Variants in ADAMTS2 observed in about 807,000 individuals in gnomAD.
ADAMTS2 encodes A disintegrin and metalloproteinase with thrombospondin motifs 2.
A neutral mutation model predicts 123.0 loss-of-function variants in ADAMTS2; 50 were observed. The ratio of observed to expected loss-of-function variants is 0.41; its 90% CI spans 0.32 to 0.51. ADAMTS2 has a LOEUF of 0.51. ADAMTS2 is among the 20% of genes least tolerant of loss of function. ADAMTS2 has a pLI of 0.35. For synonymous variants in ADAMTS2, 678 were observed against 695.4 expected, an observed-to-expected ratio of 0.98 and a Z score of 0.39; for missense variants, 1,494 against 1,705.2, an observed-to-expected ratio of 0.88 and a Z score of 2.18.
chr5:179,160,376 G>A (rs1013270981), intron 5 of ADAMTS2, among the ~76,000 whole-genome samples: 8 of 152,196 alleles, frequency 5.3e-5, no homozygotes, highest in Non-Finnish European at 1.0e-4. Flanking sequence ...GCTTGAACCC[G>A]GGAGGTGGAG....
chr5:179,226,239 C>T (rs188113690), intron 3 of ADAMTS2, among the ~76,000 whole-genome samples: 13,129 of 139,234 alleles, frequency 0.094, 829 homozygotes, highest in Admixed American at 0.22. Context: ...TTCCTTCCTT[C>T]CTTTCTTTCT....
intron 3 of ADAMTS2, among the ~76,000 whole-genome samples, chr5:179,257,108 C>T (rs1004127985): frequency 1.3e-5 from 2 of 152,194 alleles, no homozygotes; most frequent in African/African-American, 4.8e-5. Context: ...CAAGGGCCCA[C>T]ATTGTGAGTT....
At chr5:179,270,479 G>C (rs1766499529) in intron 3 of ADAMTS2, among the ~76,000 whole-genome samples, 2 of 152,070 alleles carry the variant, frequency 1.3e-5, no homozygotes, top group African/African-American at 4.8e-5. Flanking sequence ...GATATATCAG[G>C]GTTCCCTCAG....
intron 19 of ADAMTS2, among the ~76,000 whole-genome samples, chr5:179,123,468 C>G (rs1762796550): frequency 6.6e-6 from 1 of 152,218 alleles, no homozygotes; most frequent in South Asian, 2.1e-4. Context: ...CTGTGTGGCC[C>G]AGGCTGGAGT....
In ADAMTS2 at chr5:179,130,710, G is replaced by A. The variant is rs1350338193; in HGVS notation, c.2291-612C>T. ...AGCCCCATGCTCTCTGCAGTGTGGG[G>A]GGTGGCTGCTGCGGGGCAGCTGGGT... On this transcript the variant is annotated intron_variant, in intron 15 of 21. Transcript: ENST00000251582. This position sits in a 1 kb window ranked among gnomAD's most constrained non-coding sequence, Gnocchi z 4.3. Among the ~76,000 whole-genome samples, 1 of 152,208 alleles carries A rather than the reference G, an allele frequency of 6.6e-6. No individual in the cohort carries two copies. Among genetic ancestry groups the A allele is most frequent in the Non-Finnish European group, 1.5e-5 (1 of 68,034 alleles).
chr5:179,264,805 A>G (rs533617263), intron 3 of ADAMTS2, among the ~76,000 whole-genome samples: 1 of 151,556 alleles, frequency 6.6e-6, no homozygotes, highest in Non-Finnish European at 1.5e-5. Context: ...CTCAGCACCC[A>G]GGTTCTGAGA....
At position 179,225,758 on chromosome 5, in the gene ADAMTS2, C is replaced by T. The variant is rs1050111080; in HGVS notation, c.689-18043G>A. Among the ~76,000 whole-genome samples the T allele has an allele frequency of 6.6e-6, 1 of 152,174 alleles. No homozygotes were observed. Among genetic ancestry groups the T allele is most frequent in the African/African-American group, 2.4e-5 (1 of 41,452 alleles). ...TTGCACCCCATCCTCCTTCTGGCTTCCCCCATCTGCTGAGAGCTACTTCCA... is the reference window on the plus strand; with the variant it reads ...TTGCACCCCATCCTCCTTCTGGCTTTCCCCATCTGCTGAGAGCTACTTCCA... On this transcript the variant is annotated intron_variant, in intron 3 of 21. Coordinates refer to ENST00000251582, the MANE Select transcript of ADAMTS2 (RefSeq NM_014244.5). The surrounding 1 kb of genome is among the most constrained non-coding windows in gnomAD (Gnocchi z 4.5).
At chr5:179,230,548 T>C (rs1248013252) in intron 3 of ADAMTS2, among the ~76,000 whole-genome samples, 3 of 152,240 alleles carry the variant, frequency 2.0e-5, no homozygotes, top group Non-Finnish European at 4.4e-5. Context: ...TTGGGGATAC[T>C]TGGGTCCAGT....
chr5:179,158,394 G>C lies in ADAMTS2; in HGVS notation c.1132+329C>G, dbSNP rs2113263998. On this transcript the variant is annotated intron_variant, in intron 6 of 21. Transcript: ENST00000251582. This position sits in a 1 kb window ranked among gnomAD's most constrained non-coding sequence, Gnocchi z 5.0. ...CCATGTGAGATGCTCTCTGTCTATA[G>C]AGTGAGTGGAGGTGACAGGCCTCCT... 6.6e-6 allele frequency among the ~76,000 whole-genome samples: 1 copy of C among 152,292 alleles called. No individual in the cohort carries two copies. The highest frequency in any genetic ancestry group is 1.9e-4 in the East Asian group (1 of 5,178).
chr5:179,161,623 G>A (rs890270378), intron 5 of ADAMTS2, among the ~76,000 whole-genome samples: 10 of 152,132 alleles, frequency 6.6e-5, no homozygotes, highest in African/African-American at 1.7e-4. Context: ...CTATAGTGCC[G>A]GAAAGCGCCT....
intron 2 of ADAMTS2, among the ~76,000 whole-genome samples, chr5:179,292,199 C>T (rs906058194): frequency 3.9e-5 from 6 of 151,936 alleles, no homozygotes; most frequent in Middle Eastern, 3.4e-3. Flanking sequence ...CAGAGAGAAG[C>T]GGCGGAGTCA....
At chr5:179,265,948 C>A (rs1016184937) in intron 3 of ADAMTS2, among the ~76,000 whole-genome samples, 1 of 152,248 alleles carries the variant, frequency 6.6e-6, no homozygotes, top group African/African-American at 2.4e-5. Context: ...GGATCCAGCG[C>A]CGAGGCGCTG....
rs2113157601 is a variant in ADAMTS2, at chr5:179,112,272, C to T, written c.*1595G>A. On this transcript the variant is annotated 3_prime_UTR_variant, in exon 22 of 22. Coordinates refer to ENST00000251582, the MANE Select transcript of ADAMTS2 (RefSeq NM_014244.5). ...ACACAGCCTCTAGAAGTTTCTTAAA[C>T]AGGAAAGGTTTAAGAATTATGTGTC... The T allele has an allele frequency of 6.6e-6, 1 of 152,182 alleles. No homozygotes were observed. Among genetic ancestry groups the T allele is most frequent in the African/African-American group, 2.4e-5 (1 of 41,474 alleles). 9.4% of individuals were successfully genotyped at this position (152,182 alleles called of 1,614,324 possible).
rs543738677 is a variant in ADAMTS2 at position 179,166,264 on chromosome 5, G to C, written c.976-7385C>G. ...AGCAGCACCGGGAGCCTGGTCCCAA[G>C]AAGGATGGTGTTTCCTCCGGGTTCA... On this transcript the variant is annotated intron_variant, in intron 5 of 21. Coordinates refer to ENST00000251582, the MANE Select transcript of ADAMTS2 (RefSeq NM_014244.5). 2.6e-5 allele frequency among the ~76,000 whole-genome samples: 4 copies of C among 152,330 alleles called. No homozygotes were observed. The South Asian group carries it at 8.3e-4, about 32-fold the overall frequency.
At chr5:179,156,866 T>G (rs563384436) in intron 6 of ADAMTS2, among the ~76,000 whole-genome samples, 1 of 152,330 alleles carries the variant, frequency 6.6e-6, no homozygotes, top group East Asian at 1.9e-4. Context: ...TTGTTTTGTT[T>G]TACATCTTGG....
At chr5:179,127,018 G>T (rs1762872706) in intron 17 of ADAMTS2, among the ~76,000 whole-genome samples, 1 of 152,234 alleles carries the variant, frequency 6.6e-6, no homozygotes, top group Non-Finnish European at 1.5e-5. Flanking sequence ...GCCATGAGGA[G>T]AATTTTGTTT....
At chr5:179,150,958 G>A (rs960495808) in intron 10 of ADAMTS2, 2 of 182,054 alleles carry the variant, frequency 1.1e-5, no homozygotes, top group Non-Finnish European at 2.4e-5. Context: ...GAGCAGCGAC[G>A]CGATCTTGGC....
Position 179,308,358 on chromosome 5 carries a change from C to CAG in ADAMTS2, c.535-35296_535-35295dup, listed in dbSNP as rs572005138. Among the ~76,000 whole-genome samples, 392 of 152,226 alleles carry CAG rather than the reference C, an allele frequency of 2.6e-3. 2 individuals are homozygous for CAG. Among genetic ancestry groups the CAG allele is most frequent in the African/African-American group, 9.0e-3 (375 of 41,526 alleles). ...GGGATCCGTGGAGCTCAGCGGTGCC[C>CAG]AGAGAGAGCACTCGAAATGCCAGCT... is the stretch of plus-strand genomic sequence containing the variant. On this transcript the variant is annotated intron_variant, in intron 2 of 21. Coordinates refer to ENST00000251582, the MANE Select transcript of ADAMTS2 (RefSeq NM_014244.5). The surrounding 1 kb of genome is among the most constrained non-coding windows in gnomAD (Gnocchi z 6.6).
chr5:179,196,835 T>C (rs796586359), intron 4 of ADAMTS2, among the ~76,000 whole-genome samples: 10 of 152,246 alleles, frequency 6.6e-5, no homozygotes, highest in African/African-American at 1.9e-4. Context: ...CAACCCACTG[T>C]TGTAGCACAA....
Sources: allele counts gnomAD v4.1 joint callset (sites outside exome capture counted in the v4.1 genomes callset), GRCh38; gene constraint gnomAD v4.1.1; non-coding constraint Gnocchi (gnomAD v3.1); transcripts MANE v1.5; gene names NCBI Gene and HGNC (gene_info 2026-07-23, HGNC 2026-07-21).